Variants in METTL16 observed in about 807,000 individuals in gnomAD.
METTL16 encodes RNA N(6)-adenosine-methyltransferase METTL16.
A neutral mutation model predicts 57.9 loss-of-function variants in METTL16; 19 were observed. The ratio of observed to expected loss-of-function variants is 0.33; its 90% CI spans 0.23 to 0.48. The LOEUF (loss-of-function observed/expected upper bound fraction) is 0.48. Ranked by LOEUF, METTL16 falls within the 20% of genes least tolerant of loss-of-function variation. The pLI, the probability that METTL16 is intolerant of heterozygous loss-of-function variation, is 0.99. For synonymous variants in METTL16, 246 were observed against 255.6 expected, an observed-to-expected ratio of 0.96 and a Z score of 0.36; for missense variants, 434 against 691.5, an observed-to-expected ratio of 0.63 and a Z score of 4.18.
intron 6 of METTL16, among the ~76,000 whole-genome samples, chr17:2,449,565 C>T (rs1017004644): frequency 1.3e-5 from 2 of 152,090 alleles, no homozygotes; most frequent in African/African-American, 2.4e-5. Flanking sequence ...AGGATTTATA[C>T]TGCCAGATTT....
intron 6 of METTL16, among the ~76,000 whole-genome samples, chr17:2,452,498 A>G (rs544192513): frequency 1.3e-5 from 2 of 151,776 alleles, no homozygotes; most frequent in South Asian, 2.1e-4. Flanking sequence ...ATGCAAGTGG[A>G]AAAAAAAATG....
chr17:2,482,906 G>A (rs2067316951), intron 2 of METTL16, among the ~76,000 whole-genome samples: 1 of 151,676 alleles, frequency 6.6e-6, no homozygotes, highest in African/African-American at 2.4e-5. Flanking sequence ...GTGGGACCCT[G>A]TCTCAAAAAT....
At position 2,498,017 on chromosome 17, in the gene METTL16, A is replaced by G. The variant is rs894099974; in HGVS notation, c.128+4187T>C. On this transcript the variant is annotated intron_variant, in intron 2 of 9. Transcript: ENST00000263092. Reference sequence around the variant, plus strand: ...AGACCATCGTGGCTAACACGGTGAAACCCCATCTCTACTAAAAATACAAAA... The same window carrying G: ...AGACCATCGTGGCTAACACGGTGAAGCCCCATCTCTACTAAAAATACAAAA... 3.3e-5 allele frequency among the ~76,000 whole-genome samples: 5 copies of G among 151,506 alleles called. 1 individual carries two copies. Among genetic ancestry groups the G allele is most frequent in the African/African-American group, 1.2e-4 (5 of 40,896 alleles).
Position 2,426,422 on chromosome 17 carries a change from G to A in METTL16, c.889-5518C>T, listed in dbSNP as rs145266113. 3.6e-3 allele frequency among the ~76,000 whole-genome samples: 545 copies of A among 152,108 alleles called. 4 individuals are homozygous for A. Among genetic ancestry groups the A allele is most frequent in the African/African-American group, 0.012 (495 of 41,498 alleles). On this transcript the variant is annotated intron_variant, in intron 8 of 9. Transcript: ENST00000263092. ...GTCCTGAAATCACCCCCAGGAGTACGTAAAAACAGTAAAAAGTAAAAATAG... is the reference window on the plus strand; with the variant it reads ...GTCCTGAAATCACCCCCAGGAGTACATAAAAACAGTAAAAAGTAAAAATAG...
chr17:2,455,485 C>CT (rs1391684880), intron 6 of METTL16, among the ~76,000 whole-genome samples: 1 of 152,136 alleles, frequency 6.6e-6, no homozygotes, highest in Admixed American at 6.6e-5. Flanking sequence ...CAAGCAGTGA[C>CT]TATGTCACGT....
rs144794693 is a variant in METTL16, at chr17:2,441,083, A to T, written c.798+407T>A. On this transcript the variant is annotated intron_variant, in intron 7 of 9. Coordinates refer to ENST00000263092, the MANE Select transcript of METTL16 (RefSeq NM_024086.4). Reference sequence around the variant, plus strand: ...ATCCATCAACAAAGGACTGGATTTTAAAAATGCAGTATACATACACAATGG... The same window carrying T: ...ATCCATCAACAAAGGACTGGATTTTTAAAATGCAGTATACATACACAATGG... 1.7e-3 allele frequency among the ~76,000 whole-genome samples: 258 copies of T among 152,246 alleles called. 2 individuals are homozygous for T. Among genetic ancestry groups the T allele is most frequent in the African/African-American group, 5.8e-3 (243 of 41,542 alleles).
chr17:2,481,716 A>C (rs914751934), intron 2 of METTL16, among the ~76,000 whole-genome samples: 2 of 152,202 alleles, frequency 1.3e-5, no homozygotes, highest in African/African-American at 4.8e-5. Flanking sequence ...TGAATAAGAG[A>C]ACCAAAGGAT....
At chr17:2,473,985 A>C (rs2067252658) in intron 3 of METTL16, among the ~76,000 whole-genome samples, 1 of 152,182 alleles carries the variant, frequency 6.6e-6, no homozygotes, top group Non-Finnish European at 1.5e-5. Context: ...TGTTATGGCT[A>C]CTGGGTTCCC....
chr17:2,462,124 C>T (rs1172083708), intron 6 of METTL16, among the ~76,000 whole-genome samples: 2 of 152,002 alleles, frequency 1.3e-5, no homozygotes, highest in African/African-American at 2.4e-5. Context: ...AACGGATAAA[C>T]GAAATGTGGC....
intron 1 of METTL16, among the ~76,000 whole-genome samples, chr17:2,505,310 A>T (rs1287942114): frequency 1.3e-5 from 2 of 151,406 alleles, no homozygotes; most frequent in East Asian, 3.9e-4. Context: ...TATCCAAGAA[A>T]TCACCACTTC....
chr17:2,422,647 A>C (rs2066775462), intron 8 of METTL16, among the ~76,000 whole-genome samples: 1 of 151,592 alleles, frequency 6.6e-6, no homozygotes, highest in Non-Finnish European at 1.5e-5. Context: ...TGGGATTACA[A>C]GTGTGAGCCA....
Position 2,467,757 on chromosome 17 carries a change from T to G in METTL16, c.585+4A>C. On this transcript the variant is annotated splice_donor_region_variant and intron_variant, in intron 5 of 9. Coordinates refer to ENST00000263092, the MANE Select transcript of METTL16 (RefSeq NM_024086.4). ...CAATTATTTTAAAGCAGAAGACATT[T>G]TACCTTGGCTTCCAATTGATTGGCA... 1 of 1,608,352 alleles carries G rather than the reference T, an allele frequency of 6.2e-7. No individual in the cohort carries two copies. Among genetic ancestry groups the G allele is most frequent in the Non-Finnish European group, 8.5e-7 (1 of 1,174,776 alleles).
intron 7 of METTL16, among the ~76,000 whole-genome samples, chr17:2,440,506 C>G (rs1260150939): frequency 2.0e-5 from 3 of 151,680 alleles, no homozygotes; most frequent in Non-Finnish European, 2.9e-5. Context: ...ATCGGCCTGC[C>G]AAAGTGCTGG....
intron 2 of METTL16, among the ~76,000 whole-genome samples, chr17:2,492,471 A>G (rs1171502051): frequency 6.6e-6 from 1 of 152,198 alleles, no homozygotes; most frequent in Admixed American, 6.6e-5. Flanking sequence ...AGCACCTACC[A>G]TGAACTCAGT....
chr17:2,446,137 A>C (rs1183439812), intron 6 of METTL16, among the ~76,000 whole-genome samples: 1 of 152,174 alleles, frequency 6.6e-6, no homozygotes, highest in African/African-American at 2.4e-5. Flanking sequence ...AACCTAATAA[A>C]GTGAATCTAA....
At chr17:2,445,259 A>G (rs935017098) in intron 6 of METTL16, among the ~76,000 whole-genome samples, 1 of 152,164 alleles carries the variant, frequency 6.6e-6, no homozygotes, top group Non-Finnish European at 1.5e-5. Context: ...CATGCTGTAC[A>G]TGCCGTACAG....
chr17:2,445,912 CCAAGGGGCATTTACTACAAGAAGG>C (rs2066991913), intron 6 of METTL16, among the ~76,000 whole-genome samples: 1 of 151,590 alleles, frequency 6.6e-6, no homozygotes, highest in Admixed American at 6.6e-5. Flanking sequence ...TACATTATAA[CCAAGGGGCATTTACTACAAGAAGG>C]CAAGGCTGGT....
At position 2,420,613 on chromosome 17, in the gene METTL16, CAG is replaced by C; in HGVS notation, c.1063-19_1063-18del. ...ATGCTGGACCTGTTTGGAGGAAAAA[CAG>C]AATTTTGTGGGAAATCACGTTTCCC... On this transcript the variant is annotated intron_variant, in intron 9 of 9. Coordinates refer to ENST00000263092, the MANE Select transcript of METTL16 (RefSeq NM_024086.4). The surrounding 1 kb of genome is among the most constrained non-coding windows in gnomAD (Gnocchi z 5.4). 1.9e-6 allele frequency: 3 copies of C among 1,576,710 alleles called. No homozygotes were observed. The highest frequency in any genetic ancestry group is 1.7e-6 in the Non-Finnish European group (2 of 1,166,646).
chr17:2,467,946 C>T lies in METTL16; in HGVS notation c.470-70G>A, dbSNP rs1002194131. The T allele has an allele frequency of 2.0e-5, 20 of 1,017,888 alleles. No individual in the cohort carries two copies. The Admixed American group carries it at 3.3e-4, about 17-fold the overall frequency. 63.1% of individuals were successfully genotyped at this position (1,017,888 alleles called of 1,614,324 possible). Reference sequence around the variant, plus strand: ...GGTTCTAAAGTATAACCGCGCACTGCGTAATGATTCTTTGGTCAACTGCAT... The same window carrying T: ...GGTTCTAAAGTATAACCGCGCACTGTGTAATGATTCTTTGGTCAACTGCAT... On this transcript the variant is annotated intron_variant, in intron 4 of 9. Transcript: ENST00000263092.
Sources: gnomAD v4.1 joint callset for allele counts (sites outside exome capture counted in the v4.1 genomes callset) on GRCh38, gnomAD v4.1.1 for gene constraint, Gnocchi (gnomAD v3.1) non-coding constraint, MANE v1.5 for transcripts, NCBI Gene and HGNC (gene_info 2026-07-23, HGNC 2026-07-21) for gene names.